The following KCNMB2 variants were observed in gnomAD, a reference collection of about 807,000 sequenced individuals.
KCNMB2 encodes calcium-activated potassium channel subunit beta-2.
KCNMB2 carries 9 observed loss-of-function variants against 24.5 expected under a neutral mutation model. That is an observed-to-expected ratio of 0.37 (90% CI 0.22 to 0.64). The LOEUF is 0.64. Ranked by LOEUF, KCNMB2 falls within the 30% of genes least tolerant of loss-of-function variation. KCNMB2 has a pLI of 0.63. For missense variants in KCNMB2, 226 were observed against 284.3 expected (o/e 0.79, Z 1.47); for synonymous variants, 109 against 104.4 (o/e 1.04, Z -0.27).
chr3:178,594,718 G>A (rs1356457172), intron 1 of KCNMB2, among the ~76,000 whole-genome samples: 2 of 152,022 alleles, frequency 1.3e-5, no homozygotes, highest in Non-Finnish European at 2.9e-5. Flanking sequence ...TAACTCAGAA[G>A]TTGTCAACAC....
At chr3:178,543,007 G>A (rs1197777294) in intron 1 of KCNMB2, among the ~76,000 whole-genome samples, 1 of 152,140 alleles carries the variant, frequency 6.6e-6, no homozygotes, top group Non-Finnish European at 1.5e-5. Flanking sequence ...AGTGCATACT[G>A]CCTATGACCT....
At chr3:178,755,779 G>A (rs961424961) in intron 1 of KCNMB2, among the ~76,000 whole-genome samples, 13 of 152,040 alleles carry the variant, frequency 8.6e-5, no homozygotes, top group East Asian at 1.9e-4. Context: ...CAATACAACC[G>A]TTTTCTGAGT....
chr3:178,756,788 G>C (rs540697424), intron 1 of KCNMB2, among the ~76,000 whole-genome samples: 12 of 152,106 alleles, frequency 7.9e-5, no homozygotes, highest in African/African-American at 2.7e-4. Flanking sequence ...GTACCCTATT[G>C]TGGATTGCTT....
At chr3:178,595,692 T>A (rs927907445) in intron 1 of KCNMB2, among the ~76,000 whole-genome samples, 4 of 152,078 alleles carry the variant, frequency 2.6e-5, no homozygotes, top group African/African-American at 9.7e-5. Flanking sequence ...TAATTGTAAG[T>A]TTCCTGAGGC....
intron 3 of KCNMB2, 129 bp from the exon 4 acceptor site, chr3:178,828,049 C>G: frequency 2.8e-6 from 2 of 719,118 alleles, no homozygotes; most frequent in Non-Finnish European, 4.6e-6. Flanking sequence ...AAACTTTACA[C>G]AGATAGATCA....
At chr3:178,550,869 C>T (rs1715928855) in intron 1 of KCNMB2, among the ~76,000 whole-genome samples, 1 of 151,936 alleles carries the variant, frequency 6.6e-6, no homozygotes, top group East Asian at 1.9e-4. Flanking sequence ...CACAGTGCAG[C>T]ACATAGTAGC....
chr3:178,762,717 G>A (rs908802220), intron 1 of KCNMB2, among the ~76,000 whole-genome samples: 1 of 151,928 alleles, frequency 6.6e-6, no homozygotes, highest in Non-Finnish European at 1.5e-5. Context: ...GAGATATATT[G>A]GAAGTAGAAG....
intron 1 of KCNMB2, among the ~76,000 whole-genome samples, chr3:178,637,100 ATCATTGATGGGCAT>A (rs1276957396): frequency 2.0e-5 from 3 of 151,986 alleles, no homozygotes; most frequent in Admixed American, 6.6e-5. Context: ...TATCCAATCT[ATCATTGATGGGCAT>A]TTAGGCTGCT....
At chr3:178,661,445 A>T (rs557355133) in intron 1 of KCNMB2, among the ~76,000 whole-genome samples, 67 of 151,990 alleles carry the variant, frequency 4.4e-4, no homozygotes, top group African/African-American at 1.5e-3. Context: ...TGCAATAAAC[A>T]TTTTTTTTAA....
At chr3:178,622,576 A>G (rs1718961757) in intron 1 of KCNMB2, among the ~76,000 whole-genome samples, 2 of 152,250 alleles carry the variant, frequency 1.3e-5, no homozygotes, top group South Asian at 4.1e-4. Flanking sequence ...AAGACAACCC[A>G]GATGAGAGTC....
chr3:178,591,767 A>G (rs371649475), intron 1 of KCNMB2, among the ~76,000 whole-genome samples: 14 of 152,188 alleles, frequency 9.2e-5, no homozygotes, highest in Middle Eastern at 3.4e-3. Context: ...CAAATCCCTT[A>G]ACGTCTTTGG....
At chr3:178,612,441 T>C (rs978475858) in intron 1 of KCNMB2, among the ~76,000 whole-genome samples, 5 of 152,192 alleles carry the variant, frequency 3.3e-5, no homozygotes, top group African/African-American at 1.2e-4. Context: ...GCATATATAT[T>C]AAAAATTGTT....
intron 1 of KCNMB2, among the ~76,000 whole-genome samples, chr3:178,617,889 T>TA (rs3052262): frequency 0.014 from 1,434 of 99,062 alleles, 14 homozygotes; most frequent in South Asian, 0.03. Context: ...AGACTCTGTC[T>TA]AAAAAAAAAA....
At chr3:178,581,880 A>G (rs904787844) in intron 1 of KCNMB2, among the ~76,000 whole-genome samples, 2 of 152,230 alleles carry the variant, frequency 1.3e-5, no homozygotes, top group Non-Finnish European at 2.9e-5. Flanking sequence ...GATGCTGGAG[A>G]GGATGTGGAG....
chr3:178,809,903 G>A (rs1714118788), intron 2 of KCNMB2, among the ~76,000 whole-genome samples: 1 of 152,178 alleles, frequency 6.6e-6, no homozygotes, highest in Admixed American at 6.5e-5. Flanking sequence ...GGATGGGGAT[G>A]CAAAAGCTTA....
At chr3:178,729,970 G>A (rs1235814015) in intron 1 of KCNMB2, among the ~76,000 whole-genome samples, 1 of 152,132 alleles carries the variant, frequency 6.6e-6, no homozygotes, top group Non-Finnish European at 1.5e-5. Context: ...TCACTAAGCA[G>A]GAAACTGAGA....
intron 1 of KCNMB2, among the ~76,000 whole-genome samples, chr3:178,732,461 G>T (rs959488645): frequency 3.3e-5 from 5 of 152,110 alleles, no homozygotes; most frequent in African/African-American, 1.2e-4. Flanking sequence ...CAGTTGTACA[G>T]CTCTCATACT....
At chr3:178,562,719 A>C (rs1716369263) in intron 1 of KCNMB2, among the ~76,000 whole-genome samples, 1 of 152,202 alleles carries the variant, frequency 6.6e-6, no homozygotes, top group African/African-American at 2.4e-5. Flanking sequence ...CAGTATTGCT[A>C]TCATCATAGC....
chr3:178,680,909 A>T (rs1320747061), intron 1 of KCNMB2, among the ~76,000 whole-genome samples: 1 of 152,154 alleles, frequency 6.6e-6, no homozygotes, highest in Non-Finnish European at 1.5e-5. Context: ...AAGGACTGTC[A>T]TTGAAAGCTT....
Sources: allele counts gnomAD v4.1 joint callset (sites outside exome capture counted in the v4.1 genomes callset), GRCh38; gene constraint gnomAD v4.1.1; transcripts MANE v1.5; gene names NCBI Gene and HGNC (gene_info 2026-07-23, HGNC 2026-07-21).